Variants in PHACTR4 observed in about 807,000 individuals in gnomAD.
PHACTR4 encodes protein phosphatase 1, regulatory subunit 124.
PHACTR4 carries 51 observed loss-of-function variants against 72.7 expected under a neutral mutation model. The observed-to-expected ratio is 0.70, with a 90% confidence interval of 0.56 to 0.89. The LOEUF (loss-of-function observed/expected upper bound fraction) is 0.89. Among genes scored for constraint, PHACTR4 ranks in the 40% least tolerant of loss-of-function variants. PHACTR4 has a pLI of 0.00. For missense variants in PHACTR4, 731 were observed against 861.8 expected, an observed-to-expected ratio of 0.85 and a Z score of 1.90; for synonymous variants, 255 against 302.5, an observed-to-expected ratio of 0.84 and a Z score of 1.63.
At chr1:28,399,769 A>G (rs756908285) in intron 1 of PHACTR4, among the ~76,000 whole-genome samples, 1 of 152,226 alleles carries the variant, frequency 6.6e-6, no homozygotes. Flanking sequence ...ATAGTGATAC[A>G]TTAAAATAAA....
intron 1 of PHACTR4, among the ~76,000 whole-genome samples, chr1:28,388,410 C>T (rs566394633): frequency 2.6e-5 from 4 of 152,226 alleles, no homozygotes; most frequent in Admixed American, 1.3e-4. Context: ...AATAAGTCCA[C>T]GTAGGTATGG....
intron 2 of PHACTR4, among the ~76,000 whole-genome samples, chr1:28,427,812 T>C (rs1380243189): frequency 3.3e-5 from 5 of 152,216 alleles, no homozygotes; most frequent in Non-Finnish European, 5.9e-5. Context: ...CCTAGAATGA[T>C]ACCTGACACA....
chr1:28,466,293 A>G, intron 5 of PHACTR4, 89 bp from the exon 6 acceptor site: 1 of 1,393,134 alleles, frequency 7.2e-7, no homozygotes. Flanking sequence ...AATTGGTGAA[A>G]TTGGCCACAA....
chr1:28,470,908 C>G (rs1262671291), intron 6 of PHACTR4, among the ~76,000 whole-genome samples: 1 of 151,488 alleles, frequency 6.6e-6, no homozygotes, highest in Non-Finnish European at 1.5e-5. Flanking sequence ...GCCTGTAGTC[C>G]TAGCTACTTG....
intron 2 of PHACTR4, among the ~76,000 whole-genome samples, chr1:28,440,394 CTTTT>C (rs1223295576): frequency 2.4e-5 from 2 of 83,236 alleles, no homozygotes; most frequent in South Asian, 4.5e-4. Context: ...TTCATCAATT[CTTTT>C]TTTTTTTTTT....
chr1:28,450,544 T>C (rs1355158966), intron 2 of PHACTR4, among the ~76,000 whole-genome samples: 2 of 152,140 alleles, frequency 1.3e-5, no homozygotes, highest in African/African-American at 4.8e-5. Context: ...AATTTGGGTG[T>C]ACTTATATAA....
chr1:28,418,318 A>AAAAT (rs1553189232), intron 2 of PHACTR4, among the ~76,000 whole-genome samples: 22 of 151,276 alleles, frequency 1.5e-4, no homozygotes, highest in African/African-American at 4.9e-4. Flanking sequence ...CAAAAAAAAA[A>AAAAT]AATAATAATA....
At chr1:28,488,666 G>A (rs1299620803) in intron 9 of PHACTR4, among the ~76,000 whole-genome samples, 3 of 151,738 alleles carry the variant, frequency 2.0e-5, no homozygotes, top group Non-Finnish European at 4.4e-5. Flanking sequence ...ATCTAAAGAG[G>A]GGCATCTGAG....
chr1:28,414,576 C>T (rs1654992835), intron 2 of PHACTR4, among the ~76,000 whole-genome samples: 1 of 151,906 alleles, frequency 6.6e-6, no homozygotes, highest in Non-Finnish European at 1.5e-5. Context: ...TGCAGTCTCC[C>T]TATGTTGCCC....
At chr1:28,479,241 T>C (rs1450480614) in intron 8 of PHACTR4, among the ~76,000 whole-genome samples, 14 of 150,874 alleles carry the variant, frequency 9.3e-5, no homozygotes, top group Admixed American at 9.3e-4. Context: ...GCCAATGTGG[T>C]GAAACCCCAT....
At chr1:28,412,023 C>G (rs1255803582) in intron 2 of PHACTR4, among the ~76,000 whole-genome samples, 1 of 152,144 alleles carries the variant, frequency 6.6e-6, no homozygotes, top group Non-Finnish European at 1.5e-5. Context: ...AGGACCTTTT[C>G]TACCTGGACA....
intron 1 of PHACTR4, among the ~76,000 whole-genome samples, chr1:28,385,786 T>C (rs1485514915): frequency 6.6e-6 from 1 of 151,522 alleles, no homozygotes; most frequent in Admixed American, 6.6e-5. Context: ...CAGCTAATTT[T>C]GTATTTTTAG....
chr1:28,490,386 G>C (rs1006636193), intron 10 of PHACTR4, among the ~76,000 whole-genome samples: 1 of 151,990 alleles, frequency 6.6e-6, no homozygotes, highest in Admixed American at 6.6e-5. Flanking sequence ...AAAAAAATTA[G>C]CCGGGCATGG....
chr1:28,489,672 T>C, intron 10 of PHACTR4: 1 of 443,862 alleles, frequency 2.3e-6, no homozygotes, highest in Non-Finnish European at 4.5e-6. Flanking sequence ...CTTACCTCTG[T>C]AGTTACCAAA....
At chr1:28,396,848 T>TTC (rs569754895) in intron 1 of PHACTR4, among the ~76,000 whole-genome samples, 6,277 of 80,784 alleles carry the variant, frequency 0.078, 246 homozygotes, top group African/African-American at 0.15. Flanking sequence ...TTTCTTTCTT[T>TTC]TTTTTTTTTT....
At chr1:28,399,289 G>C (rs968479238) in intron 1 of PHACTR4, among the ~76,000 whole-genome samples, 1 of 152,126 alleles carries the variant, frequency 6.6e-6, no homozygotes, top group African/African-American at 2.4e-5. Flanking sequence ...TCCAGCCTGG[G>C]CGACAGAGCA....
chr1:28,472,192 G>A (rs1438927955), intron 6 of PHACTR4, among the ~76,000 whole-genome samples: 1 of 147,208 alleles, frequency 6.8e-6, no homozygotes, highest in Admixed American at 6.7e-5. Context: ...CAGCCTGGGC[G>A]ACAAGACTCC....
At chr1:28,392,766 G>T (rs572942060) in intron 1 of PHACTR4, among the ~76,000 whole-genome samples, 1 of 151,906 alleles carries the variant, frequency 6.6e-6, no homozygotes, top group Non-Finnish European at 1.5e-5. Flanking sequence ...AAAATCTTAT[G>T]CCAAGATTGC....
intron 8 of PHACTR4, among the ~76,000 whole-genome samples, chr1:28,479,584 GAAA>G (rs1170640129): frequency 2.4e-5 from 2 of 84,594 alleles, no homozygotes; most frequent in African/African-American, 3.9e-5. Flanking sequence ...CTCCGCCTCA[GAAA>G]AAAAAAAAAA....
Sources: gnomAD v4.1 joint callset for allele counts (sites outside exome capture counted in the v4.1 genomes callset) on GRCh38, gnomAD v4.1.1 for gene constraint, MANE v1.5 for transcripts, NCBI Gene and HGNC (gene_info 2026-07-23, HGNC 2026-07-21) for gene names.